The following PTPRM variants were observed in gnomAD, a reference collection of about 807,000 sequenced individuals.
PTPRM encodes the protein receptor-type tyrosine-protein phosphatase mu.
Under a neutral mutation model 186.7 loss-of-function variants are expected in PTPRM, and 47 were observed. The observed-to-expected ratio is 0.25, with a 90% confidence interval of 0.20 to 0.32. The LOEUF (loss-of-function observed/expected upper bound fraction) is 0.32, where lower values mean the gene tolerates loss of function less well. Ranked by LOEUF, PTPRM falls within the 10% of genes least tolerant of loss-of-function variation. The pLI is 1.00. For synonymous variants in PTPRM, 668 were observed against 674.9 expected, an observed-to-expected ratio of 0.99 and a Z score of 0.16; for missense variants, 1,494 against 1,865.0, an observed-to-expected ratio of 0.80 and a Z score of 3.66.
intron 7 of PTPRM, among the ~76,000 whole-genome samples, chr18:7,973,264 G>T (rs972907947): frequency 2.6e-5 from 4 of 152,176 alleles, no homozygotes; most frequent in Non-Finnish European, 5.9e-5. Context: ...AGGTAGAATT[G>T]CAGGGCCAAA....
At chr18:7,908,308 T>G (rs898741407) in intron 4 of PTPRM, among the ~76,000 whole-genome samples, 3 of 152,308 alleles carry the variant, frequency 2.0e-5, no homozygotes, top group African/African-American at 7.2e-5. Context: ...TCTCTGGCAT[T>G]AAAGAGAAAC....
At chr18:7,910,942 A>T (rs139591039) in intron 4 of PTPRM, among the ~76,000 whole-genome samples, 1,971 of 152,224 alleles carry the variant, frequency 0.013, 19 homozygotes, top group South Asian at 0.033. Context: ...TACTCTGGCC[A>T]CCACTCCTAG....
intron 14 of PTPRM, among the ~76,000 whole-genome samples, chr18:8,153,999 G>A (rs2058469): frequency 0.055 from 8,380 of 152,180 alleles, 573 homozygotes; most frequent in African/African-American, 0.16. Context: ...ACACTACTAC[G>A]CATTTGCTAT....
At chr18:8,289,783 C>T (rs1280907974) in intron 19 of PTPRM, among the ~76,000 whole-genome samples, 4 of 151,712 alleles carry the variant, frequency 2.6e-5, no homozygotes, top group Non-Finnish European at 4.4e-5. Context: ...CACAATTTCA[C>T]GTTGGATTAA....
intron 1 of PTPRM, among the ~76,000 whole-genome samples, chr18:7,737,896 G>A (rs1015497377): frequency 6.6e-6 from 1 of 152,174 alleles, no homozygotes; most frequent in African/African-American, 2.4e-5. Flanking sequence ...TGTTGTCTTT[G>A]TGTGGCCAGT....
intron 2 of PTPRM, among the ~76,000 whole-genome samples, chr18:7,842,841 T>TATATAG (rs1555616753): frequency 0.019 from 2,537 of 134,468 alleles, 85 homozygotes; most frequent in African/African-American, 0.065. Context: ...TATATATATA[T>TATATAG]AGAGAGAGAG....
chr18:8,269,055 CA>C (rs2147601164), intron 19 of PTPRM, among the ~76,000 whole-genome samples: 1 of 152,026 alleles, frequency 6.6e-6, no homozygotes, highest in Admixed American at 6.5e-5. Flanking sequence ...ACTAGAAATC[CA>C]AGCCAGAGCA....
At chr18:8,156,131 G>A (rs2093116419) in intron 14 of PTPRM, among the ~76,000 whole-genome samples, 2 of 152,268 alleles carry the variant, frequency 1.3e-5, no homozygotes, top group Middle Eastern at 3.4e-3. Context: ...AGGTACAAGG[G>A]TAAGTTGAAC....
intron 2 of PTPRM, among the ~76,000 whole-genome samples, chr18:7,863,630 T>G (rs902940325): frequency 5.9e-5 from 9 of 152,210 alleles, no homozygotes; most frequent in Non-Finnish European, 1.0e-4. Context: ...TCCAAGTCTT[T>G]GCTATTGTGA....
chr18:7,820,599 C>T (rs772931874), intron 2 of PTPRM, among the ~76,000 whole-genome samples: 14 of 152,028 alleles, frequency 9.2e-5, no homozygotes, highest in Non-Finnish European at 1.5e-4. Flanking sequence ...CTGGCCCCTT[C>T]GAGGCACCCC....
intron 16 of PTPRM, 108 bp from the exon 17 acceptor site, chr18:8,248,042 C>A: frequency 1.5e-6 from 2 of 1,350,960 alleles, no homozygotes; most frequent in Non-Finnish European, 2.1e-6. Flanking sequence ...TAACCCAATG[C>A]GTTTCTACAG....
rs200794459 is a variant in PTPRM, at chr18:8,102,572, AG to A, written c.1857-10913del. On this transcript the variant is annotated intron_variant, in intron 11 of 32. Coordinates refer to ENST00000580170, the MANE Select transcript of PTPRM (RefSeq NM_001105244.2). ...GCTCATCCGTTCAAGTGTGATCATG[AG>A]ATTGCAGCAATTCAGTCATGTCCTC... Among the ~76,000 whole-genome samples the A allele has an allele frequency of 8.0e-3, 1,215 of 152,312 alleles. 9 individuals are homozygous for A. The highest frequency in any genetic ancestry group is 0.027 in the African/African-American group (1,123 of 41,566).
intron 23 of PTPRM, among the ~76,000 whole-genome samples, chr18:8,360,512 A>C (rs902826162): frequency 6.6e-6 from 1 of 152,182 alleles, no homozygotes; most frequent in African/African-American, 2.4e-5. Context: ...ACATTATTTG[A>C]AAATTGTGGG....
At chr18:7,763,055 A>C (rs1208037249) in intron 1 of PTPRM, among the ~76,000 whole-genome samples, 1 of 152,156 alleles carries the variant, frequency 6.6e-6, no homozygotes, top group Non-Finnish European at 1.5e-5. Flanking sequence ...ATTGCACCCC[A>C]AAATCCTTAA....
At chr18:8,125,309 G>A (rs931943408) in intron 13 of PTPRM, among the ~76,000 whole-genome samples, 2 of 152,030 alleles carry the variant, frequency 1.3e-5, no homozygotes, top group Non-Finnish European at 2.9e-5. Flanking sequence ...TGGAATGCTA[G>A]GACATTTCAT....
chr18:8,093,890 G>A (rs776852516), intron 11 of PTPRM, among the ~76,000 whole-genome samples: 3 of 152,046 alleles, frequency 2.0e-5, no homozygotes, highest in Non-Finnish European at 4.4e-5. Context: ...ACTTAACAAA[G>A]CCTAATGTTC....
chr18:8,141,812 AT>A (rs1230140044), intron 13 of PTPRM, among the ~76,000 whole-genome samples: 3 of 152,204 alleles, frequency 2.0e-5, no homozygotes, highest in Non-Finnish European at 4.4e-5. Flanking sequence ...AACCAATTTG[AT>A]TTTATTTTAA....
At position 7,567,810 on chromosome 18, in the gene PTPRM, C is replaced by G. The variant is rs1375680283; in HGVS notation, c.-9C>G. 9 of 1,543,676 alleles carry G rather than the reference C, an allele frequency of 5.8e-6. No individual in the cohort carries two copies. The East Asian group carries it at 2.2e-4, about 37-fold the overall frequency. Reference sequence around the variant, plus strand: ...CCGCCGGGGAGCGGCCCGGCCCGCACTCAGCACCATGAGGGGACTTGGGAC... The same window carrying G: ...CCGCCGGGGAGCGGCCCGGCCCGCAGTCAGCACCATGAGGGGACTTGGGAC... On this transcript the variant is annotated 5_prime_UTR_variant, in exon 1 of 33. Transcript: ENST00000580170. This position sits in a 1 kb window ranked among gnomAD's most constrained non-coding sequence, Gnocchi z 4.3.
chr18:7,607,136 C>T (rs1180146473), intron 1 of PTPRM, among the ~76,000 whole-genome samples: 1 of 152,072 alleles, frequency 6.6e-6, no homozygotes, highest in Admixed American at 6.5e-5. Flanking sequence ...GTATGCCAGG[C>T]CCTGGGTGCA....
Sources: gnomAD v4.1 joint callset for allele counts (sites outside exome capture counted in the v4.1 genomes callset) on GRCh38, gnomAD v4.1.1 for gene constraint, Gnocchi (gnomAD v3.1) non-coding constraint, MANE v1.5 for transcripts, NCBI Gene and HGNC (gene_info 2026-07-23, HGNC 2026-07-21) for gene names.